Variants in NOTCH2 observed in about 807,000 individuals in gnomAD.
The protein encoded by NOTCH2 is neurogenic locus notch homolog protein 2.
NOTCH2 carries 29 observed loss-of-function variants against 235.8 expected under a neutral mutation model. That is an observed-to-expected ratio of 0.12 (90% CI 0.09 to 0.17). The LOEUF (loss-of-function observed/expected upper bound fraction) is 0.17, where lower values mean the gene tolerates loss of function less well. Among genes scored for constraint, NOTCH2 ranks in the 10% least tolerant of loss-of-function variants. The pLI is 1.00. For synonymous variants in NOTCH2, 1,086 were observed against 1,141.5 expected (o/e 0.95, Z 0.98); for missense variants, 2,285 against 3,150.2 (o/e 0.73, Z 6.57).
chr1:119,953,732 T>C, intron 13 of NOTCH2, 44 bp from the exon 14 acceptor site: 1 of 1,553,710 alleles, frequency 6.4e-7, no homozygotes, highest in Non-Finnish European at 8.9e-7. Flanking sequence ...TATAAACGTA[T>C]GATTGAGTCA....
At chr1:119,957,883 C>CACACA (rs1491347411) in intron 12 of NOTCH2, among the ~76,000 whole-genome samples, 218 of 143,616 alleles carry the variant, frequency 1.5e-3, no homozygotes, top group Admixed American at 2.3e-3. Flanking sequence ...CACACACACA[C>CACACA]AACAGGCCCC....
chr1:119,986,411 T>C (rs1553202225), intron 5 of NOTCH2, among the ~76,000 whole-genome samples: 1 of 152,186 alleles, frequency 6.6e-6, no homozygotes, highest in African/African-American at 2.4e-5. Context: ...AAACTATTTT[T>C]GTTCGTGTAC....
At chr1:120,063,567 C>T (rs1231127256) in intron 1 of NOTCH2, among the ~76,000 whole-genome samples, 3 of 152,204 alleles carry the variant, frequency 2.0e-5, no homozygotes, top group African/African-American at 7.2e-5. Flanking sequence ...ACTTTACTAA[C>T]CTTATACCAT....
rs781839140 is a variant in NOTCH2 at position 119,948,525 on chromosome 1, G to T, written c.2641C>A (p.Pro881Thr). The change falls in exon 17 of 34, where the codon CCC (proline) becomes ACC (threonine). Residue 881 changes from proline to threonine, a missense_variant. By Grantham distance (38) the Pro-to-Thr change is conservative. This residue lies in a region of NOTCH2 where 1,173 missense variants were observed against 1,515.3 expected (regional missense o/e 0.77). Transcript: ENST00000256646. ...TIDIDECISK[P>T]CMNHGLCHNT... The stretch of plus-strand genomic sequence containing the variant: ...TGGCAGAGACCATGGTTCATGCAGG[G>T]CTTGGAGATACACTCGTCAATGTCA... 5.6e-6 allele frequency: 9 copies of T among 1,614,180 alleles called. No individual in the cohort carries two copies. The Admixed American group carries it at 1.3e-4, about 24-fold the overall frequency.
Position 119,948,409 on chromosome 1 carries a change from C to A in NOTCH2, c.2752+5G>T. Reference sequence around the variant, plus strand: ...GGGGGCTTAAGAGCTGACTGGCATACTCACTGGCAAGGCAGTCATCAATGT... The same window carrying A: ...GGGGGCTTAAGAGCTGACTGGCATAATCACTGGCAAGGCAGTCATCAATGT... On this transcript the variant is annotated splice_donor_5th_base_variant and intron_variant, in intron 17 of 33. Coordinates refer to ENST00000256646, the MANE Select transcript of NOTCH2 (RefSeq NM_024408.4). 1 of 1,614,074 alleles carries A rather than the reference C, an allele frequency of 6.2e-7. No homozygotes were observed. The highest frequency in any genetic ancestry group is 8.5e-7 in the Non-Finnish European group (1 of 1,180,044).
Position 119,979,717 on chromosome 1 carries a change from T to C in NOTCH2, c.874+7243A>G, listed in dbSNP as rs138360477. ...AAATATTATAAATTGGGTTATAAAATTGTAAATATCAAGAATAATTTTAAA... is the reference window on the plus strand; with the variant it reads ...AAATATTATAAATTGGGTTATAAAACTGTAAATATCAAGAATAATTTTAAA... On this transcript the variant is annotated intron_variant, in intron 5 of 33. Transcript: ENST00000256646. Among the ~76,000 whole-genome samples, 308 of 152,282 alleles carry C rather than the reference T, an allele frequency of 2.0e-3. 2 individuals carry two copies. Among genetic ancestry groups the C allele is most frequent in the African/African-American group, 7.2e-3 (300 of 41,568 alleles).
At chr1:119,999,976 A>AAAGAAAGAAAGG (rs1270244149) in intron 3 of NOTCH2, among the ~76,000 whole-genome samples, 196 of 56,552 alleles carry the variant, frequency 3.5e-3, no homozygotes, top group Non-Finnish European at 5.0e-3. Context: ...AGAAAGAAAG[A>AAAGAAAGAAAGG]AAGGAAGGAA....
chr1:120,006,897 A>G (rs1652999149), intron 2 of NOTCH2, among the ~76,000 whole-genome samples: 1 of 152,202 alleles, frequency 6.6e-6, no homozygotes, highest in Non-Finnish European at 1.5e-5. Context: ...AAGGCTAGCT[A>G]GCAGGGGTCA....
intron 2 of NOTCH2, among the ~76,000 whole-genome samples, chr1:120,014,755 G>A (rs1292908537): frequency 8.8e-6 from 1 of 114,238 alleles, no homozygotes; most frequent in Non-Finnish European, 1.8e-5. Context: ...AGTAATACAG[G>A]ACAGAAAAAT....
chr1:119,945,665 A>G (rs781790826), intron 17 of NOTCH2, among the ~76,000 whole-genome samples: 1 of 152,136 alleles, frequency 6.6e-6, no homozygotes, highest in African/African-American at 2.4e-5. Context: ...TCAAAAGGAC[A>G]TAAGAACCCT....
intron 2 of NOTCH2, among the ~76,000 whole-genome samples, chr1:120,028,118 A>C (rs1653941275): frequency 2.9e-5 from 3 of 105,204 alleles, no homozygotes; most frequent in African/African-American, 1.3e-4. Flanking sequence ...AAACATGTGC[A>C]TGATGGTATC....
Position 119,915,809 on chromosome 1 carries a change from C to T in NOTCH2, c.6913G>A (p.Val2305Met), listed in dbSNP as rs761030652. The T allele has an allele frequency of 6.2e-7, 1 of 1,613,168 alleles. No homozygotes were observed. Among genetic ancestry groups the T allele is most frequent in the Admixed American group, 1.7e-5 (1 of 60,006 alleles). ...TTPREPLPPI[V>M]TFQLIPKGSI... Reference sequence around the variant, plus strand: ...CCTTTAGGGATGAGCTGGAAAGTCACAATGGGGGGCAAGGGCTCCCGAGGG... The same window carrying T: ...CCTTTAGGGATGAGCTGGAAAGTCATAATGGGGGGCAAGGGCTCCCGAGGG... Residue 2305 changes from valine (V) to methionine (M), a missense_variant, in exon 34 of 34, where the codon GTG (valine) becomes ATG (methionine). By Grantham distance (21) the Val-to-Met change is conservative. Around this residue, in one of 6 missense-constraint regions of NOTCH2, gnomAD observed 504 missense variants for 538.0 expected, o/e 0.94. Coordinates refer to ENST00000256646, the MANE Select transcript of NOTCH2 (RefSeq NM_024408.4).
Position 120,048,427 on chromosome 1 carries a change from TAGAC to T in NOTCH2, c.74-18444_74-18441del, listed in dbSNP as rs1416018242. Among the ~76,000 whole-genome samples the T allele has an allele frequency of 3.8e-5, 5 of 131,340 alleles. 1 individual carries two copies. The East Asian group carries it at 6.1e-4, about 16-fold the overall frequency. 86.2% of individuals were successfully genotyped at this position (131,340 alleles called of 152,430 possible). A position where few individuals can be genotyped will look rare whatever the true frequency, so the allele number is the denominator to read the frequency against. On this transcript the variant is annotated intron_variant, in intron 1 of 33. Transcript: ENST00000256646. The stretch of plus-strand genomic sequence containing the variant: ...GCAGTAAAGAATGTGGCTTGGCAAT[TAGAC>T]AGGCCCAATACCACTTTTTTTTTTT...
Position 119,999,972 on chromosome 1 carries a change from AAAGAAAGGAAGGAAGGAAGG to A in NOTCH2, c.416-2660_416-2641del, listed in dbSNP as rs1187668146. Among the ~76,000 whole-genome samples, 492 of 61,484 alleles carry A rather than the reference AAAGAAAGGAAGGAAGGAAGG, an allele frequency of 8.0e-3. 1 individual carries two copies. Among genetic ancestry groups the A allele is most frequent in the African/African-American group, 0.029 (437 of 15,112 alleles). The allele number at this position is 61,484 out of a possible 152,430, so 40.3% of individuals were successfully genotyped here. A position where few individuals can be genotyped will look rare whatever the true frequency, so the allele number is the denominator to read the frequency against. On this transcript the variant is annotated intron_variant, in intron 3 of 33. Coordinates refer to ENST00000256646, the MANE Select transcript of NOTCH2 (RefSeq NM_024408.4). ...GAAAGAAAGAAAGAAAGAAAGAAAG[AAAGAAAGGAAGGAAGGAAGG>A]AAGGAAGGAAGGAAGGAAGGAAGGG... is the stretch of plus-strand genomic sequence containing the variant.
At chr1:119,996,760 AATAAACAATTTTCTAG>A in intron 4 of NOTCH2, 1 of 967,280 alleles carries the variant, frequency 1.0e-6, no homozygotes, top group African/African-American at 1.6e-5. Context: ...CAAAAGGGAC[AATAAACAATTTTCTAG>A]CCACTCATCA....
chr1:120,013,958 T>C (rs587595708), intron 2 of NOTCH2, among the ~76,000 whole-genome samples: 3 of 151,456 alleles, frequency 2.0e-5, no homozygotes, highest in South Asian at 2.1e-4. Flanking sequence ...TGGAAAATAG[T>C]CTACCACTTG....
Position 119,916,053 on chromosome 1 carries a change from C to G in NOTCH2, c.6669G>C (p.Gln2223His). ...GASTVLPSVS[Q>H]LLSHHHIVSP... ...ACACAATGTGGTGGTGGGATAGCAA[C>G]TGGCTCACTGAGGGAAGCACAGTGC... Residue 2223 changes from glutamine (Q) to histidine (H), a missense_variant, in exon 34 of 34, where the codon CAG becomes CAC. Transcript: ENST00000256646. 6.2e-7 allele frequency: 1 copy of G among 1,613,874 alleles called. No homozygotes were observed. Among genetic ancestry groups the G allele is most frequent in the Non-Finnish European group, 8.5e-7 (1 of 1,180,046 alleles).
intron 2 of NOTCH2, among the ~76,000 whole-genome samples, chr1:120,014,454 T>C (rs1653344960): frequency 1.3e-5 from 2 of 150,410 alleles, no homozygotes; most frequent in South Asian, 2.1e-4. Flanking sequence ...CACATTTCCA[T>C]TGTTACTGTT....
intron 5 of NOTCH2, among the ~76,000 whole-genome samples, chr1:119,971,864 A>G (rs1553200397): frequency 6.6e-6 from 1 of 152,234 alleles, no homozygotes; most frequent in Non-Finnish European, 1.5e-5. Context: ...GCCTCTTGCA[A>G]CAGGTCTTTC....
Sources: gnomAD v4.1 joint callset for allele counts (sites outside exome capture counted in the v4.1 genomes callset) on GRCh38, gnomAD v4.1.1 for gene constraint, gnomAD v4.1.1 regional missense constraint, MANE v1.5 for transcripts, NCBI Gene and HGNC (gene_info 2026-07-23, HGNC 2026-07-21) for gene names.